Variants in EEPD1 observed in about 807,000 individuals in gnomAD.
EEPD1 encodes endonuclease/exonuclease/phosphatase family domain-containing protein 1.
Under a neutral mutation model 46.3 loss-of-function variants are expected in EEPD1, and 17 were observed. That is an observed-to-expected ratio of 0.37 (90% confidence interval 0.25 to 0.55). EEPD1 has a LOEUF of 0.55. Among genes scored for constraint, EEPD1 ranks in the 20% least tolerant of loss-of-function variants. The pLI is 0.83. For missense variants in EEPD1, 673 were observed against 745.6 expected, an observed-to-expected ratio of 0.90 and a Z score of 1.13; for synonymous variants, 313 against 315.6, an observed-to-expected ratio of 0.99 and a Z score of 0.09.
intron 3 of EEPD1, among the ~76,000 whole-genome samples, chr7:36,266,554 C>T (rs1018096430): frequency 5.9e-5 from 9 of 152,204 alleles, no homozygotes; most frequent in African/African-American, 2.2e-4. Flanking sequence ...ACTCAAGTCA[C>T]TTTTAAAATT....
chr7:36,239,862 C>T lies in EEPD1; in HGVS notation c.930+826C>T, dbSNP rs565748135. The stretch of plus-strand genomic sequence containing the variant: ...TCAGGACTCTTCCTGCATGTGTAGC[C>T]GCAGGTGATAATTAGAATCTGTGTT... On this transcript the variant is annotated intron_variant, in intron 3 of 7. Transcript: ENST00000242108. 4.5e-4 allele frequency among the ~76,000 whole-genome samples: 68 copies of T among 152,250 alleles called. 1 individual carries two copies. Among genetic ancestry groups the T allele is most frequent in the African/African-American group, 1.4e-3 (57 of 41,536 alleles).
chr7:36,235,245 G>A (rs935650062), intron 2 of EEPD1, among the ~76,000 whole-genome samples: 6 of 151,234 alleles, frequency 4.0e-5, no homozygotes, highest in African/African-American at 1.2e-4. Context: ...CCACAGCATC[G>A]ACCACCTGCT....
chr7:36,173,226 G>C (rs1014093161), intron 2 of EEPD1, among the ~76,000 whole-genome samples: 1 of 149,700 alleles, frequency 6.7e-6, no homozygotes, highest in East Asian at 2.0e-4. Flanking sequence ...TGGTTTAAAA[G>C]TGTTTGGCTC....
chr7:36,230,922 A>G (rs956635855), intron 2 of EEPD1: 6 of 152,156 alleles, frequency 3.9e-5, no homozygotes, highest in South Asian at 2.1e-4. Context: ...GGACTATACT[A>G]TGTCATTTAA....
At chr7:36,258,463 T>C (rs56311435) in intron 3 of EEPD1, among the ~76,000 whole-genome samples, 70,763 of 152,046 alleles carry the variant, frequency 0.47, 16,744 homozygotes, top group Non-Finnish European at 0.51. Context: ...CCCAGGGAGA[T>C]GGGAGTTTTA....
chr7:36,247,435 A>G (rs993234066), intron 3 of EEPD1, among the ~76,000 whole-genome samples: 3 of 152,234 alleles, frequency 2.0e-5, no homozygotes, highest in Non-Finnish European at 4.4e-5. Flanking sequence ...TAGTTTCTGC[A>G]ACAATTGAGT....
chr7:36,212,026 A>T (rs1785944578), intron 2 of EEPD1, among the ~76,000 whole-genome samples: 1 of 152,234 alleles, frequency 6.6e-6, no homozygotes, highest in South Asian at 2.1e-4. Flanking sequence ...AAAAATGTTT[A>T]AAGCCTGTAA....
rs1334713922 is a variant in EEPD1 at position 36,295,956 on chromosome 7, A to G, written c.1316-1037A>G. On this transcript the variant is annotated intron_variant, in intron 6 of 7. Coordinates refer to ENST00000242108, the MANE Select transcript of EEPD1 (RefSeq NM_030636.3). ...TGAGGCAGGAGAATCGCTTGAACCC[A>G]GGAGGCAGAGGTTGTAGTGAGCCGA... Among the ~76,000 whole-genome samples the G allele has an allele frequency of 7.0e-4, 97 of 137,986 alleles. 1 individual carries two copies. The Middle Eastern group carries it at 0.02, about 28-fold the overall frequency. 90.5% of individuals were successfully genotyped at this position (137,986 alleles called of 152,430 possible).
At chr7:36,155,569 ATT>A (rs1456319184) in intron 2 of EEPD1, among the ~76,000 whole-genome samples, 1 of 152,138 alleles carries the variant, frequency 6.6e-6, no homozygotes, top group East Asian at 1.9e-4. Context: ...AGCTCATTGG[ATT>A]TTGTTTATTA....
chr7:36,184,201 A>G (rs1484071674), intron 2 of EEPD1, among the ~76,000 whole-genome samples: 1 of 152,188 alleles, frequency 6.6e-6, no homozygotes, highest in East Asian at 1.9e-4. Flanking sequence ...GGCCACTAAC[A>G]TTTGAATGTC....
intron 2 of EEPD1, among the ~76,000 whole-genome samples, chr7:36,213,369 G>A (rs1366770582): frequency 6.6e-6 from 1 of 152,116 alleles, no homozygotes; most frequent in Non-Finnish European, 1.5e-5. Flanking sequence ...GAAAAGGGAT[G>A]TGGTGCAATT....
At chr7:36,248,336 G>T (rs1259693022) in intron 3 of EEPD1, among the ~76,000 whole-genome samples, 1 of 151,360 alleles carries the variant, frequency 6.6e-6, no homozygotes, top group African/African-American at 2.4e-5. Context: ...CTCCCGACTA[G>T]CTGGAATTAC....
chr7:36,287,580 G>A (rs539637665), intron 5 of EEPD1, 59 bp from the exon 6 acceptor site: 14 of 1,579,880 alleles, frequency 8.9e-6, no homozygotes, highest in South Asian at 6.9e-5. Context: ...CGGTTGTAAC[G>A]GATACAGGAA....
intron 4 of EEPD1, 83 bp downstream of exon 4, chr7:36,281,308 C>A: frequency 7.9e-7 from 1 of 1,271,324 alleles, no homozygotes; most frequent in South Asian, 1.3e-5. Context: ...TTAAAAATTT[C>A]CTTTGCCAAT....
intron 2 of EEPD1, among the ~76,000 whole-genome samples, chr7:36,191,389 G>A (rs1265594438): frequency 6.6e-6 from 1 of 152,176 alleles, no homozygotes; most frequent in Non-Finnish European, 1.5e-5. Flanking sequence ...ACACTGGAGA[G>A]GTGGGAAGAG....
intron 2 of EEPD1, among the ~76,000 whole-genome samples, chr7:36,214,801 C>T (rs76444535): frequency 0.079 from 12,085 of 152,246 alleles, 764 homozygotes; most frequent in African/African-American, 0.18. Flanking sequence ...TGTTTCTTCC[C>T]GCCGCCTTCT....
In EEPD1 at chr7:36,299,154, G is replaced by A. The variant is rs1395296800; in HGVS notation, c.1658G>A (p.Gly553Asp). Residue 553 changes from glycine (G) to aspartate (D), a missense_variant, in exon 8 of 8, where the codon GGC becomes GAC. Transcript: ENST00000242108. The stretch of plus-strand genomic sequence containing the variant: ...AGCAAGAAGGATGCCCCTCGGAACG[G>A]CAGCGGGGTGGCCTTGGAGCGAAGT... Reference protein sequence around the residue: ...DWSKKDAPRNGSGVALERSEA... With the variant: ...DWSKKDAPRNDSGVALERSEA... 6.2e-7 allele frequency: 1 copy of A among 1,611,780 alleles called. No individual in the cohort carries two copies. The highest frequency in any genetic ancestry group is 1.1e-5 in the South Asian group (1 of 90,988).
chr7:36,250,752 C>G (rs1225649724), intron 3 of EEPD1, among the ~76,000 whole-genome samples: 1 of 152,114 alleles, frequency 6.6e-6, no homozygotes, highest in East Asian at 1.9e-4. Context: ...CAGAAAGATG[C>G]GTATATGTAC....
At chr7:36,263,018 ACT>A (rs974557558) in intron 3 of EEPD1, among the ~76,000 whole-genome samples, 20 of 151,796 alleles carry the variant, frequency 1.3e-4, no homozygotes, top group Non-Finnish European at 2.4e-4. Flanking sequence ...ACAATAGGAG[ACT>A]CTGTCTCTAC....
Sources: allele counts gnomAD v4.1 joint callset (sites outside exome capture counted in the v4.1 genomes callset), GRCh38; gene constraint gnomAD v4.1.1; transcripts MANE v1.5; gene names NCBI Gene and HGNC (gene_info 2026-07-23, HGNC 2026-07-21).